The following COL25A1 variants were observed in gnomAD, a reference collection of about 807,000 sequenced individuals.
COL25A1 encodes the protein collagen alpha-1(XXV) chain.
In COL25A1, 103 loss-of-function variants were observed where a neutral mutation model predicts 128.4. The observed-to-expected ratio is 0.80, with a 90% CI of 0.68 to 0.94. COL25A1 has a LOEUF of 0.94. Ranked by LOEUF, COL25A1 falls within the 40% of genes least tolerant of loss-of-function variation. The pLI is 0.00. For missense variants in COL25A1, 745 were observed against 840.0 expected, an observed-to-expected ratio of 0.89 and a Z score of 1.40; for synonymous variants, 279 against 277.2, an observed-to-expected ratio of 1.01 and a Z score of -0.06.
chr4:109,096,637 T>C (rs940223190), intron 3 of COL25A1, among the ~76,000 whole-genome samples: 2 of 147,760 alleles, frequency 1.4e-5, no homozygotes, highest in South Asian at 2.2e-4. Flanking sequence ...AAGTGACTCA[T>C]AATTGTATTA....
chr4:109,186,731 C>A (rs890746518), intron 3 of COL25A1, among the ~76,000 whole-genome samples: 1 of 152,184 alleles, frequency 6.6e-6, no homozygotes, highest in African/African-American at 2.4e-5. Flanking sequence ...CTGAGTCCCT[C>A]TAAACAAATG....
chr4:108,815,217 C>T lies in COL25A1; in HGVS notation c.1963-1288G>A, dbSNP rs1024194042. Among the ~76,000 whole-genome samples, 4 of 152,048 alleles carry T rather than the reference C, an allele frequency of 2.6e-5. No homozygotes were observed. In the South Asian group the frequency reaches 8.3e-4, roughly 32 times the overall value. On this transcript the variant is annotated intron_variant, in intron 37 of 37. Coordinates refer to ENST00000399132, the MANE Select transcript of COL25A1 (RefSeq NM_198721.4). Reference sequence around the variant, plus strand: ...TGACCAAGAGGAGTTGGTAATTAATCAGTGATTTATACGACTGCCACAATT... The same window carrying T: ...TGACCAAGAGGAGTTGGTAATTAATTAGTGATTTATACGACTGCCACAATT...
chr4:109,121,548 A>G (rs1388911223), intron 3 of COL25A1, among the ~76,000 whole-genome samples: 3 of 152,112 alleles, frequency 2.0e-5, no homozygotes, highest in African/African-American at 7.2e-5. Flanking sequence ...GTCATTAGGA[A>G]TTGTAAATTA....
At chr4:108,906,031 C>G (rs1293724699) in intron 13 of COL25A1, among the ~76,000 whole-genome samples, 1 of 152,126 alleles carries the variant, frequency 6.6e-6, no homozygotes, top group Non-Finnish European at 1.5e-5. Context: ...GACCAACTAA[C>G]GGAGTTCTTT....
At chr4:109,106,967 C>A (rs554891720) in intron 3 of COL25A1, among the ~76,000 whole-genome samples, 16 of 152,122 alleles carry the variant, frequency 1.1e-4, no homozygotes, top group Non-Finnish European at 2.1e-4. Flanking sequence ...TGGGGTCTCA[C>A]TATGTTGCCT....
At chr4:108,834,248 G>A in intron 31 of COL25A1, 1 of 1,175,332 alleles carries the variant, frequency 8.5e-7, no homozygotes, top group Non-Finnish European at 1.2e-6. Flanking sequence ...CCAGCTCTAA[G>A]TACACCCTCA....
chr4:108,859,727 G>A lies in COL25A1; in HGVS notation c.1249C>T (p.Pro417Ser), dbSNP rs767679738. The stretch of plus-strand genomic sequence containing the variant: ...GCTCCTTGATCCCCTTTTTGACCAG[G>A]TGGACCCTATGACAAAACCAATCAA... ...DSGAQGPRGP[P>S]GQKGDQGATE... Residue 417 changes from proline to serine, a missense_variant, in exon 24 of 38, where the codon CCT becomes TCT. Pro to Ser is a moderately conservative substitution (Grantham distance 74). Around this residue, in one of 3 missense-constraint regions of COL25A1, gnomAD observed 387 missense variants for 441.9 expected, o/e 0.88. Transcript: ENST00000399132. 3 of 1,613,614 alleles carry A rather than the reference G, an allele frequency of 1.9e-6. No homozygotes were observed. Among genetic ancestry groups the A allele is most frequent in the African/African-American group, 2.7e-5 (2 of 74,872 alleles).
chr4:109,033,415 T>C (rs1018925724), intron 5 of COL25A1, among the ~76,000 whole-genome samples: 2 of 152,182 alleles, frequency 1.3e-5, no homozygotes, highest in Non-Finnish European at 2.9e-5. Context: ...CACAGCACAA[T>C]GAAATCTGGC....
chr4:109,146,981 C>G (rs1435124131), intron 3 of COL25A1, among the ~76,000 whole-genome samples: 1 of 152,050 alleles, frequency 6.6e-6, no homozygotes, highest in Non-Finnish European at 1.5e-5. Flanking sequence ...CGAGGACCAT[C>G]AAAACCGTGT....
chr4:108,927,743 A>G (rs1419889157), intron 11 of COL25A1, among the ~76,000 whole-genome samples: 1 of 152,176 alleles, frequency 6.6e-6, no homozygotes, highest in African/African-American at 2.4e-5. Context: ...TTAAGCCAGG[A>G]TGATTCATTT....
chr4:109,000,777 T>TAAAAAAAAA (rs1755289957), intron 6 of COL25A1, among the ~76,000 whole-genome samples: 1 of 111,052 alleles, frequency 9.0e-6, no homozygotes, highest in African/African-American at 3.3e-5. Flanking sequence ...AAGAAAAAAC[T>TAAAAAAAAA]ATACACATAA....
intron 3 of COL25A1, among the ~76,000 whole-genome samples, chr4:109,291,089 T>C (rs1438153939): frequency 6.6e-6 from 1 of 152,156 alleles, no homozygotes; most frequent in Admixed American, 6.6e-5. Flanking sequence ...AACTGCTGTG[T>C]CATTCTGTGT....
intron 20 of COL25A1, among the ~76,000 whole-genome samples, chr4:108,866,198 CTTTT>C (rs35781275): frequency 1.5e-4 from 19 of 128,604 alleles, no homozygotes; most frequent in Admixed American, 3.2e-4. Flanking sequence ...TCTTTTCTTT[CTTTT>C]TTTTTTTTTT....
At chr4:108,954,455 T>A (rs1157738317) in intron 8 of COL25A1, among the ~76,000 whole-genome samples, 3 of 152,050 alleles carry the variant, frequency 2.0e-5, no homozygotes, top group African/African-American at 7.2e-5. Flanking sequence ...ACTACACTGA[T>A]AATATTCATA....
intron 13 of COL25A1, among the ~76,000 whole-genome samples, chr4:108,908,008 A>G (rs1257379692): frequency 6.6e-6 from 1 of 152,172 alleles, no homozygotes; most frequent in Non-Finnish European, 1.5e-5. Context: ...AGTAAGATTT[A>G]TTATTATTGC....
intron 6 of COL25A1, among the ~76,000 whole-genome samples, chr4:108,989,637 AC>A (rs1753981710): frequency 6.6e-6 from 1 of 152,194 alleles, no homozygotes; most frequent in Non-Finnish European, 1.5e-5. Flanking sequence ...CAAAATACAA[AC>A]CTTAAAGTGT....
At chr4:108,823,867 T>C in intron 35 of COL25A1, 2 of 1,345,892 alleles carry the variant, frequency 1.5e-6, no homozygotes, top group Non-Finnish European at 1.9e-6. Flanking sequence ...ATTTTACTTT[T>C]TAAAATGATT....
intron 5 of COL25A1, among the ~76,000 whole-genome samples, chr4:109,019,742 G>A (rs1393044326): frequency 1.3e-5 from 2 of 152,002 alleles, no homozygotes; most frequent in Non-Finnish European, 2.9e-5. Flanking sequence ...TGAGACTTGG[G>A]TGGGGATACA....
intron 3 of COL25A1, among the ~76,000 whole-genome samples, chr4:109,093,206 A>C (rs937375828): frequency 6.6e-6 from 1 of 152,162 alleles, no homozygotes; most frequent in Non-Finnish European, 1.5e-5. Context: ...AATACCAACT[A>C]AAACTAAAAA....
Sources: gnomAD v4.1 joint callset for allele counts (sites outside exome capture counted in the v4.1 genomes callset) on GRCh38, gnomAD v4.1.1 for gene constraint, gnomAD v4.1.1 regional missense constraint, MANE v1.5 for transcripts, NCBI Gene and HGNC (gene_info 2026-07-23, HGNC 2026-07-21) for gene names.